KIF2A: variants seen among roughly 807,000 people sequenced by gnomAD.
KIF2A encodes the protein kinesin-like protein KIF2A.
In KIF2A, 22 loss-of-function variants were observed where a neutral mutation model predicts 100.2. The ratio of observed to expected loss-of-function variants is 0.22; its 90% CI spans 0.16 to 0.31. The LOEUF (loss-of-function observed/expected upper bound fraction) is 0.31, where lower values mean the gene tolerates loss of function less well. Among genes scored for constraint, KIF2A ranks in the 10% least tolerant of loss-of-function variants. The pLI, the probability that KIF2A is intolerant of heterozygous loss-of-function variation, is 1.00. For missense variants in KIF2A, 495 were observed against 898.7 expected (o/e 0.55, Z 5.74); for synonymous variants, 268 against 285.9 (o/e 0.94, Z 0.63).
chr5:62,361,806 G>C (rs1314221742), intron 11 of KIF2A, among the ~76,000 whole-genome samples: 1 of 151,530 alleles, frequency 6.6e-6, no homozygotes, highest in East Asian at 1.9e-4. Context: ...TGGATCACTT[G>C]AGGTCAGGAG....
chr5:62,315,250 A>C (rs1745757884), intron 1 of KIF2A, among the ~76,000 whole-genome samples: 1 of 73,600 alleles, frequency 1.4e-5, no homozygotes, highest in Non-Finnish European at 3.0e-5. Context: ...AAAACAGACC[A>C]AAAAAAAAAA....
intron 2 of KIF2A, among the ~76,000 whole-genome samples, chr5:62,347,612 C>T (rs1747638028): frequency 6.6e-6 from 1 of 151,810 alleles, no homozygotes; most frequent in African/African-American, 2.4e-5. Flanking sequence ...ATTTGTAAGG[C>T]TAAGGCACTG....
intron 1 of KIF2A, among the ~76,000 whole-genome samples, chr5:62,325,887 G>C (rs1746354130): frequency 6.6e-6 from 1 of 152,152 alleles, no homozygotes; most frequent in Admixed American, 6.5e-5. Context: ...AATCAACCTG[G>C]ATGTCCATCA....
rs1220425782 is a variant in KIF2A, at chr5:62,352,602, C to T, written c.349C>T (p.Arg117Cys). Residue 117 changes from arginine to cysteine, a missense_variant, in exon 5 of 21, where the codon CGT (arginine) becomes TGT (cysteine). Physicochemically the swap from Arg to Cys is radical, Grantham distance 180. Around this residue, in one of 10 missense-constraint regions of KIF2A, gnomAD observed 115 missense variants for 143.6 expected, o/e 0.80. Transcript: ENST00000407818. Reference sequence around the variant, plus strand: ...TTTACTTACAGTGGTTGGTTCAGCACGTGCACGGCCCAGTCAATTTCCTGA... The same window carrying T: ...TTTACTTACAGTGGTTGGTTCAGCATGTGCACGGCCCAGTCAATTTCCTGA... ...SRDNRVVGSARARPSQFPEQS... is the reference protein window; with the variant it reads ...SRDNRVVGSACARPSQFPEQS... 4 of 1,577,928 alleles carry T rather than the reference C, an allele frequency of 2.5e-6. No homozygotes were observed. The highest frequency in any genetic ancestry group is 1.7e-6 in the Non-Finnish European group (2 of 1,160,958).
Position 62,372,543 on chromosome 5 carries a change from A to C in KIF2A, c.1752A>C (p.Ser584=), listed in dbSNP as rs1460559265. The part of the protein sequence containing the change: ...PSYEYDDFSP[S]VTRVKELTVD... Reference sequence around the variant, plus strand: ...ATGAATATGACGACTTTTCTCCTTCAGTTACCAGGTCTACTTCATTCTATA... The same window carrying C: ...ATGAATATGACGACTTTTCTCCTTCCGTTACCAGGTCTACTTCATTCTATA... The change falls in exon 17 of 21, where the codon TCA becomes TCC. Residue 584 remains serine (S), a synonymous_variant. Transcript: ENST00000407818. 1 of 1,564,982 alleles carries C rather than the reference A, an allele frequency of 6.4e-7. No individual in the cohort carries two copies. The highest frequency in any genetic ancestry group is 1.7e-5 in the Admixed American group (1 of 59,680).
chr5:62,325,085 C>A (rs1746297499), intron 1 of KIF2A, among the ~76,000 whole-genome samples: 1 of 152,104 alleles, frequency 6.6e-6, no homozygotes, highest in Non-Finnish European at 1.5e-5. Context: ...GTTGTACTTT[C>A]TTTTCTTTCC....
chr5:62,379,659 G>C, intron 19 of KIF2A, among the ~76,000 whole-genome samples: 1 of 134,014 alleles, frequency 7.5e-6, no homozygotes, highest in Non-Finnish European at 1.6e-5. Context: ...TGAAACTCAG[G>C]AAAAAAAAAA....
At chr5:62,367,763 AT>A (rs899536379) in intron 16 of KIF2A, among the ~76,000 whole-genome samples, 11 of 151,700 alleles carry the variant, frequency 7.3e-5, no homozygotes, top group East Asian at 1.9e-4. Flanking sequence ...TGATCCATAG[AT>A]TTTTTTTTCC....
intron 11 of KIF2A, among the ~76,000 whole-genome samples, chr5:62,361,895 C>T (rs866249084): frequency 2.6e-5 from 4 of 151,564 alleles, no homozygotes; most frequent in African/African-American, 7.3e-5. Context: ...GGCGTGGTGG[C>T]GGGCGCCTGT....
intron 12 of KIF2A, 149 bp from the exon 13 acceptor site, chr5:62,363,029 T>C (rs1748486114): frequency 1.8e-6 from 1 of 569,092 alleles, no homozygotes; most frequent in Non-Finnish European, 3.0e-6. Context: ...GGTCTCACTA[T>C]GTTGCCCAGG....
chr5:62,361,883 C>G (rs930997064), intron 11 of KIF2A, among the ~76,000 whole-genome samples: 2 of 151,568 alleles, frequency 1.3e-5, no homozygotes. Flanking sequence ...AAAACTTAGC[C>G]AGGCGTGGTG....
chr5:62,385,433 CT>C, intron 20 of KIF2A, 50 bp from the exon 21 acceptor site: 1 of 1,299,950 alleles, frequency 7.7e-7, no homozygotes. Context: ...GTTGTAAACT[CT>C]TACTGCGTGT....
In KIF2A at chr5:62,348,458, G is replaced by A. The variant is rs961102958; in HGVS notation, c.279+291G>A. Among the ~76,000 whole-genome samples, 8 of 152,136 alleles carry A rather than the reference G, an allele frequency of 5.3e-5. 1 individual carries two copies. Among genetic ancestry groups the A allele is most frequent in the Admixed American group, 4.6e-4 (7 of 15,268 alleles). On this transcript the variant is annotated intron_variant, in intron 3 of 20. Transcript: ENST00000407818. ...GATCAAAACCATTTGCTTGGTGTTTGTTGAATGAAGACATATGACTTTGAC... is the reference window on the plus strand; with the variant it reads ...GATCAAAACCATTTGCTTGGTGTTTATTGAATGAAGACATATGACTTTGAC...
Position 62,387,969 on chromosome 5 carries a change from T to C in KIF2A, c.*2400T>C, listed in dbSNP as rs1429645148. Reference sequence around the variant, plus strand: ...AGCCAAATATCAATAAAGATATTTTTATTAATTTTTTATAGAAACAAAATA... The same window carrying C: ...AGCCAAATATCAATAAAGATATTTTCATTAATTTTTTATAGAAACAAAATA... On this transcript the variant is annotated 3_prime_UTR_variant, in exon 21 of 21. Transcript: ENST00000407818. 1 of 152,154 alleles carries C rather than the reference T, an allele frequency of 6.6e-6. No individual in the cohort carries two copies. The highest frequency in any genetic ancestry group is 1.5e-5 in the Non-Finnish European group (1 of 68,024). 9.4% of individuals were successfully genotyped at this position (152,154 alleles called of 1,614,324 possible).
chr5:62,322,910 T>C (rs1232620956), intron 1 of KIF2A, among the ~76,000 whole-genome samples: 1 of 129,764 alleles, frequency 7.7e-6, no homozygotes, highest in Non-Finnish European at 1.6e-5. Context: ...TTAAAATAGA[T>C]TAGTGGAATG....
rs1742018460 is a variant in KIF2A at position 62,386,226 on chromosome 5, G to A, written c.*657G>A. The stretch of plus-strand genomic sequence containing the variant: ...AACGGAACTAAAGTCTGTGACAGTG[G>A]ATATAGCTGCTGGACCATTCCATCT... On this transcript the variant is annotated 3_prime_UTR_variant, in exon 21 of 21. Coordinates refer to ENST00000407818, the MANE Select transcript of KIF2A (RefSeq NM_001098511.3). The A allele has an allele frequency of 6.6e-6, 1 of 152,622 alleles. No individual in the cohort carries two copies. Among genetic ancestry groups the A allele is most frequent in the South Asian group, 2.1e-4 (1 of 4,830 alleles). The allele number at this position is 152,622 out of a possible 1,614,324, so 9.5% of individuals were successfully genotyped here. A position where few individuals can be genotyped will look rare whatever the true frequency, so the allele number is the denominator to read the frequency against.
intron 12 of KIF2A, among the ~76,000 whole-genome samples, chr5:62,362,906 A>G (rs1748479685): frequency 6.6e-6 from 1 of 152,182 alleles, no homozygotes; most frequent in Non-Finnish European, 1.5e-5. Flanking sequence ...AGCTAACTGT[A>G]GCTTCAATCT....
chr5:62,327,293 G>T (rs1359816686), intron 1 of KIF2A, among the ~76,000 whole-genome samples: 2 of 151,950 alleles, frequency 1.3e-5, no homozygotes, highest in Non-Finnish European at 2.9e-5. Flanking sequence ...TTATTGCTCT[G>T]CCTGAAAAGC....
Position 62,390,895 on chromosome 5 carries a change from C to T in KIF2A, c.*5326C>T, listed in dbSNP as rs753351247. 1.2e-6 allele frequency: 2 copies of T among 1,611,966 alleles called. No individual in the cohort carries two copies. The highest frequency in any genetic ancestry group is 8.5e-7 in the Non-Finnish European group (1 of 1,179,802). On this transcript the variant is annotated 3_prime_UTR_variant, in exon 21 of 21. Transcript: ENST00000407818. ...AATTACCTGATGAAGTCATCTATGTCCATGGAACGGGCCCGTTTGTCACTA... is the reference window on the plus strand; with the variant it reads ...AATTACCTGATGAAGTCATCTATGTTCATGGAACGGGCCCGTTTGTCACTA...
Sources: allele counts gnomAD v4.1 joint callset (sites outside exome capture counted in the v4.1 genomes callset), GRCh38; gene constraint gnomAD v4.1.1; regional missense constraint gnomAD v4.1.1; transcripts MANE v1.5; gene names NCBI Gene and HGNC (gene_info 2026-07-23, HGNC 2026-07-21).